The following ZNF227 variants were observed in gnomAD, a reference collection of about 807,000 sequenced individuals.
ZNF227 encodes the protein zinc finger protein 227.
ZNF227 carries 12 observed loss-of-function variants against 13.2 expected under a neutral mutation model. The ratio of observed to expected loss-of-function variants is 0.91; its 90% CI spans 0.58 to 1.47. The LOEUF is 1.47. ZNF227 is among the 40% of genes most tolerant of loss of function. The probability of loss-of-function intolerance (pLI) is 0.00; values close to 1 mark genes in which losing one functional copy is unlikely to be tolerated. For synonymous variants in ZNF227, 338 were observed against 326.0 expected, an observed-to-expected ratio of 1.04 and a Z score of -0.40; for missense variants, 885 against 967.5, an observed-to-expected ratio of 0.91 and a Z score of 1.13.
At chr19:44,211,854 T>C (rs1003497691), upstream of ZNF227, among the ~76,000 whole-genome samples, 25 of 150,730 alleles carry the variant, frequency 1.7e-4, no homozygotes, top group South Asian at 4.2e-4. Flanking sequence ...ATAATTCTAT[T>C]AGTACAGGAT....
chr19:44,219,837 T>A (rs1030884289), intron 3 of ZNF227, among the ~76,000 whole-genome samples: 11 of 151,782 alleles, frequency 7.2e-5, no homozygotes, highest in Admixed American at 4.6e-4. Context: ...TGTGCAGGTT[T>A]GTTACATATG....
intron 2 of ZNF227, among the ~76,000 whole-genome samples, chr19:44,216,485 GTTTATT>G (rs1170452616): frequency 6.6e-6 from 1 of 152,006 alleles, no homozygotes; most frequent in Non-Finnish European, 1.5e-5. Flanking sequence ...TTTAGGGTAT[GTTTATT>G]TTTATTTATA....
At chr19:44,216,847 T>A (rs1228025122) in intron 2 of ZNF227, among the ~76,000 whole-genome samples, 4 of 152,084 alleles carry the variant, frequency 2.6e-5, no homozygotes, top group African/African-American at 4.8e-5. Flanking sequence ...GGGCAACAAA[T>A]TACTAAAAAG....
chr19:44,224,112 A>G (rs185227891), intron 3 of ZNF227, among the ~76,000 whole-genome samples: 77 of 152,266 alleles, frequency 5.1e-4, no homozygotes, highest in African/African-American at 1.7e-3. Flanking sequence ...TAGTTTGATT[A>G]CACTGTGGTC....
chr19:44,211,062 G>A (rs2122625190), upstream of ZNF227, among the ~76,000 whole-genome samples: 1 of 152,104 alleles, frequency 6.6e-6, no homozygotes, highest in South Asian at 2.1e-4. Context: ...GGCGTGGTGG[G>A]GAGGGGGGTG....
At chr19:44,220,945 T>C (rs1170853716) in intron 3 of ZNF227, among the ~76,000 whole-genome samples, 1 of 152,122 alleles carries the variant, frequency 6.6e-6, no homozygotes, top group African/African-American at 2.4e-5. Context: ...CTGAGAATGA[T>C]GATTTCCAAT....
At chr19:44,217,586 G>A in intron 2 of ZNF227, 1 of 723,878 alleles carries the variant, frequency 1.4e-6, no homozygotes, top group Non-Finnish European at 2.5e-6. Flanking sequence ...CTTGTAGCAA[G>A]GATGCTGCAC....
rs186745834 is a variant in ZNF227, at chr19:44,217,975, G to C, written c.60+123G>C. ...AGATATTCAGGACATGTGGTATGCT[G>C]ACATGTATGTGTTTTTTTGTTTTAG... On this transcript the variant is annotated intron_variant, in intron 3 of 5. Coordinates refer to ENST00000313040, the MANE Select transcript of ZNF227 (RefSeq NM_182490.3). 134 of 1,058,578 alleles carry C rather than the reference G, an allele frequency of 1.3e-4. No homozygotes were observed. The Middle Eastern group carries it at 2.8e-3, about 22-fold the overall frequency. The allele number at this position is 1,058,578 out of a possible 1,614,324, so 65.6% of individuals were successfully genotyped here. A position where few individuals can be genotyped will look rare whatever the true frequency, so the allele number is the denominator to read the frequency against.
intron 3 of ZNF227, among the ~76,000 whole-genome samples, chr19:44,219,402 T>G (rs1178645471): frequency 6.6e-6 from 1 of 152,088 alleles, no homozygotes; most frequent in Non-Finnish European, 1.5e-5. Context: ...ACTTAAACAT[T>G]AGGTAAAGGT....
intron 3 of ZNF227, among the ~76,000 whole-genome samples, chr19:44,219,724 G>A (rs1393680400): frequency 1.3e-5 from 2 of 150,992 alleles, no homozygotes; most frequent in East Asian, 1.9e-4. Context: ...CTGCCATTAC[G>A]CTTTCAAAAC....
At chr19:44,210,654 T>C (rs1467751786), upstream of ZNF227, among the ~76,000 whole-genome samples, 1 of 152,236 alleles carries the variant, frequency 6.6e-6, no homozygotes, top group Non-Finnish European at 1.5e-5. Flanking sequence ...TTAGAGGCTT[T>C]TTGTAGGAGT....
intron 2 of ZNF227, chr19:44,213,749 G>A (rs972307756): frequency 1.3e-4 from 20 of 152,188 alleles, no homozygotes; most frequent in Non-Finnish European, 2.8e-4. Flanking sequence ...TCAGCCTTGG[G>A]AATGTAGGTA....
chr19:44,230,067 G>C (rs1973622464), intron 5 of ZNF227, among the ~76,000 whole-genome samples: 2 of 152,076 alleles, frequency 1.3e-5, no homozygotes, highest in Admixed American at 1.3e-4. Flanking sequence ...CCAGGCTGGA[G>C]TGCAGCAGCA....
Position 44,236,359 on chromosome 19 carries a change from G to A in ZNF227, c.1929G>A (p.Gln643=). The A allele has an allele frequency of 9.9e-6, 16 of 1,614,092 alleles. No individual in the cohort carries two copies. The highest frequency in any genetic ancestry group is 1.4e-5 in the Non-Finnish European group (16 of 1,180,014). The stretch of plus-strand genomic sequence containing the variant: ...GTGTCTGTGGTAAGGGCTTCAGTCA[G>A]TCCTCTGGTCTTCAATCCCATCAGA... ...KCGVCGKGFS[Q]SSGLQSHQRV... is the part of the protein sequence containing the mutation. The change falls in exon 6 of 6, where the codon CAG becomes CAA. Residue 643 remains glutamine (Q), a synonymous_variant. Transcript: ENST00000313040.
At position 44,235,619 on chromosome 19, in the gene ZNF227, G is replaced by A. The variant is rs779940042; in HGVS notation, c.1189G>A (p.Val397Ile). The A allele has an allele frequency of 6.2e-7, 1 of 1,613,918 alleles. No homozygotes were observed. Among genetic ancestry groups the A allele is most frequent in the Non-Finnish European group, 8.5e-7 (1 of 1,179,964 alleles). ...CTTCGGTTGGAGTGTTAATCTCCGT[G>A]TTCACCAGAGGGTCCACAGGGGTGA... ...KGFGWSVNLR[V>I]HQRVHRGEKP... Residue 397 changes from valine to isoleucine, a missense_variant, in exon 6 of 6, where the codon GTT becomes ATT. Physicochemically the swap from Val to Ile is conservative, Grantham distance 29 (BLOSUM62 3). Transcript: ENST00000313040.
rs550856121 is a variant in ZNF227, at chr19:44,221,993, T to C, written c.60+4141T>C. 8.1e-3 allele frequency among the ~76,000 whole-genome samples: 1,232 copies of C among 152,352 alleles called. 20 individuals are homozygous for C. Among genetic ancestry groups the C allele is most frequent in the African/African-American group, 0.028 (1,159 of 41,568 alleles). On this transcript the variant is annotated intron_variant, in intron 3 of 5. Coordinates refer to ENST00000313040, the MANE Select transcript of ZNF227 (RefSeq NM_182490.3). ...GCTTTCTACATATGGCTAACCAGTT[T>C]TCCCAGCATCATTTATTAAATAGGG...
chr19:44,223,042 GT>G (rs1227400047), intron 3 of ZNF227, among the ~76,000 whole-genome samples: 2 of 152,054 alleles, frequency 1.3e-5, no homozygotes, highest in African/African-American at 4.8e-5. Context: ...TTGTCTTTGG[GT>G]TTCTTTATAT....
In ZNF227 at chr19:44,236,645, A is replaced by G; in HGVS notation, c.2215A>G (p.Thr739Ala). 6.2e-7 allele frequency: 1 copy of G among 1,613,992 alleles called. No homozygotes were observed. The highest frequency in any genetic ancestry group is 8.5e-7 in the Non-Finnish European group (1 of 1,179,998). The change falls in exon 6 of 6, where the codon ACC becomes GCC. Residue 739 changes from threonine (T) to alanine (A), a missense_variant. Thr to Ala is a moderately conservative substitution (Grantham distance 58). Coordinates refer to ENST00000313040, the MANE Select transcript of ZNF227 (RefSeq NM_182490.3). ...TCTTCGAGTCCACCTGGGTGTTCAC[A>G]CCAGGGAAAAACTCTTTAAATGTGA... ...SNLRVHLGVHTREKLFKCEEC... is the reference protein window; with the variant it reads ...SNLRVHLGVHAREKLFKCEEC...
At chr19:44,215,099 G>A (rs1454976893) in intron 2 of ZNF227, among the ~76,000 whole-genome samples, 3 of 151,426 alleles carry the variant, frequency 2.0e-5, no homozygotes, top group African/African-American at 7.3e-5. Context: ...ATTATCTTCC[G>A]TGAAACTGGT....
Sources: allele counts gnomAD v4.1 joint callset (sites outside exome capture counted in the v4.1 genomes callset), GRCh38; gene constraint gnomAD v4.1.1; transcripts MANE v1.5; gene names NCBI Gene and HGNC (gene_info 2026-07-23, HGNC 2026-07-21).